The following CYYR1 variants were observed in gnomAD, a reference collection of about 807,000 sequenced individuals.
CYYR1 encodes cysteine and tyrosine-rich protein 1.
A neutral mutation model predicts 15.2 loss-of-function variants in CYYR1; 14 were observed. The observed-to-expected ratio is 0.92, with a 90% CI of 0.61 to 1.44. The LOEUF (loss-of-function observed/expected upper bound fraction) is 1.44. Among genes scored for constraint, CYYR1 ranks in the 40% most tolerant of loss-of-function variants. CYYR1 has a pLI of 0.00. For missense variants in CYYR1, 228 were observed against 209.5 expected (o/e 1.09, Z -0.54); for synonymous variants, 80 against 77.4 (o/e 1.03, Z -0.18).
chr21:26,528,183 A>G (rs1005450882), intron 2 of CYYR1, among the ~76,000 whole-genome samples: 1 of 152,238 alleles, frequency 6.6e-6, no homozygotes, highest in Non-Finnish European at 1.5e-5. Context: ...TTTTAGTTCA[A>G]AAGGTTTACC....
chr21:26,547,909 A>G (rs1979095417), intron 2 of CYYR1, among the ~76,000 whole-genome samples: 2 of 85,172 alleles, frequency 2.3e-5, no homozygotes, highest in Non-Finnish European at 4.6e-5. Context: ...AGCATACATT[A>G]GAGAATAGAA....
intron 3 of CYYR1, among the ~76,000 whole-genome samples, chr21:26,469,731 G>T (rs535262913): frequency 6.6e-6 from 1 of 152,088 alleles, no homozygotes; most frequent in African/African-American, 2.4e-5. Flanking sequence ...CTCCTATCTA[G>T]CTGTAATTTT....
At chr21:26,510,945 T>C (rs1445014854) in intron 2 of CYYR1, among the ~76,000 whole-genome samples, 1 of 152,226 alleles carries the variant, frequency 6.6e-6, no homozygotes. Context: ...ATTTTACTAG[T>C]GATTTGGGTC....
At chr21:26,536,941 C>T (rs924007277) in intron 2 of CYYR1, among the ~76,000 whole-genome samples, 1 of 152,156 alleles carries the variant, frequency 6.6e-6, no homozygotes, top group Non-Finnish European at 1.5e-5. Context: ...AGATCCTGCA[C>T]TCATGGAAAT....
intron 1 of CYYR1, among the ~76,000 whole-genome samples, chr21:26,567,035 TCTTA>T (rs1178936317): frequency 7.9e-5 from 12 of 151,734 alleles, no homozygotes; most frequent in African/African-American, 2.9e-4. Context: ...AAAAGAGTCT[TCTTA>T]CTTTAGGGTC....
chr21:26,515,911 C>T (rs2065722241), intron 2 of CYYR1, among the ~76,000 whole-genome samples: 1 of 152,154 alleles, frequency 6.6e-6, no homozygotes, highest in South Asian at 2.1e-4. Flanking sequence ...ACTAGCCCTC[C>T]CCACCTTTTT....
At chr21:26,495,323 C>T (rs1287752487) in intron 2 of CYYR1, among the ~76,000 whole-genome samples, 1 of 152,136 alleles carries the variant, frequency 6.6e-6, no homozygotes, top group Admixed American at 6.5e-5. Flanking sequence ...GTGCTAGCAG[C>T]AAGCTTGCAA....
chr21:26,548,491 C>T (rs779766668), intron 2 of CYYR1, among the ~76,000 whole-genome samples: 7 of 152,168 alleles, frequency 4.6e-5, no homozygotes, highest in Non-Finnish European at 7.3e-5. Flanking sequence ...AGATTACAGG[C>T]GTGTGTCATC....
At chr21:26,552,920 T>A (rs1186006456) in intron 2 of CYYR1, among the ~76,000 whole-genome samples, 2 of 152,184 alleles carry the variant, frequency 1.3e-5, no homozygotes, top group Non-Finnish European at 2.9e-5. Flanking sequence ...CCATATTTAC[T>A]AACTAGTACT....
Position 26,466,456 on chromosome 21 carries a change from T to C in CYYR1, c.*2045A>G, listed in dbSNP as rs895665468. ...TACTCATCTATTGTAGGCTTATGGG[T>C]TTGTAAAATGCCTTAAGGGAGGCCA... On this transcript the variant is annotated 3_prime_UTR_variant, in exon 4 of 4. Coordinates refer to ENST00000652641, the MANE Select transcript of CYYR1 (RefSeq NM_001320768.2). 7 of 152,182 alleles carry C rather than the reference T, an allele frequency of 4.6e-5. No homozygotes were observed. The highest frequency in any genetic ancestry group is 3.9e-4 in the Admixed American group (6 of 15,274). The allele number at this position is 152,182 out of a possible 1,614,324, so 9.4% of individuals were successfully genotyped here. A position where few individuals can be genotyped will look rare whatever the true frequency, so the allele number is the denominator to read the frequency against.
intron 1 of CYYR1, among the ~76,000 whole-genome samples, chr21:26,572,416 A>G (rs1298900309): frequency 2.6e-5 from 4 of 152,198 alleles, no homozygotes; most frequent in African/African-American, 9.6e-5. Context: ...GTTTGACTTC[A>G]GTCCAATAGC....
intron 2 of CYYR1, among the ~76,000 whole-genome samples, chr21:26,562,739 C>A (rs1388354981): frequency 2.0e-5 from 3 of 146,766 alleles, no homozygotes; most frequent in East Asian, 2.0e-4. Flanking sequence ...CACACACACA[C>A]ACACACACAC....
At chr21:26,560,415 T>A (rs1318132525) in intron 2 of CYYR1, among the ~76,000 whole-genome samples, 1 of 152,132 alleles carries the variant, frequency 6.6e-6, no homozygotes, top group East Asian at 1.9e-4. Flanking sequence ...ATTACCTTTT[T>A]AAAAATGTGT....
At chr21:26,572,748 C>T (rs1305593107) in intron 1 of CYYR1, 120 bp downstream of exon 1, 7 of 1,223,030 alleles carry the variant, frequency 5.7e-6, no homozygotes, top group African/African-American at 1.6e-5. Context: ...AAGGCAGAAG[C>T]GTCTGCAAAG....
At chr21:26,545,603 T>C (rs989394540) in intron 2 of CYYR1, among the ~76,000 whole-genome samples, 3 of 111,876 alleles carry the variant, frequency 2.7e-5, no homozygotes, top group African/African-American at 1.0e-4. Context: ...TGAGACGGAG[T>C]CTCGCCCAGG....
intron 2 of CYYR1, among the ~76,000 whole-genome samples, chr21:26,531,765 A>C (rs1470724421): frequency 6.6e-6 from 1 of 152,198 alleles, no homozygotes; most frequent in Non-Finnish European, 1.5e-5. Context: ...TAACTCAGTC[A>C]TGTGGCCAGG....
intron 2 of CYYR1, among the ~76,000 whole-genome samples, chr21:26,546,491 T>C (rs1203985276): frequency 6.6e-6 from 1 of 152,162 alleles, no homozygotes; most frequent in Non-Finnish European, 1.5e-5. Flanking sequence ...TATTCCTATA[T>C]TGGAATGGCT....
rs760291319 is a variant in CYYR1, at chr21:26,468,500, A to C, written c.*1T>G. The stretch of plus-strand genomic sequence containing the variant: ...GCACATGTTCTGTTCTGGGAGATAG[A>C]TTATTTCCTTGCGTTTCCAGGATAA... On this transcript the variant is annotated 3_prime_UTR_variant, in exon 4 of 4. Coordinates refer to ENST00000652641, the MANE Select transcript of CYYR1 (RefSeq NM_001320768.2). 2.9e-5 allele frequency: 45 copies of C among 1,536,686 alleles called. No homozygotes were observed. Among genetic ancestry groups the C allele is most frequent in the Non-Finnish European group, 3.9e-5 (43 of 1,109,436 alleles).
intron 2 of CYYR1, among the ~76,000 whole-genome samples, chr21:26,532,987 A>C (rs954811231): frequency 3.3e-5 from 5 of 152,044 alleles, no homozygotes; most frequent in Non-Finnish European, 5.9e-5. Context: ...TCTATACCCA[A>C]GGTATCTTAT....
Sources: allele counts gnomAD v4.1 joint callset (sites outside exome capture counted in the v4.1 genomes callset), GRCh38; gene constraint gnomAD v4.1.1; transcripts MANE v1.5; gene names NCBI Gene and HGNC (gene_info 2026-07-23, HGNC 2026-07-21).